The following DNAJC1 variants were observed in gnomAD, a reference collection of about 807,000 sequenced individuals.
The protein encoded by DNAJC1 is DnaJ heat shock protein family (Hsp40) member C1.
A neutral mutation model predicts 76.6 loss-of-function variants in DNAJC1; 58 were observed. The ratio of observed to expected loss-of-function variants is 0.76; its 90% CI spans 0.61 to 0.94. The LOEUF (loss-of-function observed/expected upper bound fraction) is 0.94. Among genes scored for constraint, DNAJC1 ranks in the 40% least tolerant of loss-of-function variants. DNAJC1 has a pLI of 0.00. For synonymous variants in DNAJC1, 258 were observed against 267.9 expected (o/e 0.96, Z 0.36); for missense variants, 689 against 677.3 (o/e 1.02, Z -0.19).
intron 8 of DNAJC1, among the ~76,000 whole-genome samples, chr10:21,863,205 C>T (rs1835945325): frequency 6.6e-6 from 1 of 151,660 alleles, no homozygotes; most frequent in Non-Finnish European, 1.5e-5. Flanking sequence ...AAATCAATGA[C>T]ACACAAAACT....
intron 8 of DNAJC1, among the ~76,000 whole-genome samples, chr10:21,851,817 G>A (rs1422031181): frequency 6.6e-6 from 1 of 152,056 alleles, no homozygotes; most frequent in Non-Finnish European, 1.5e-5. Context: ...CACTTTGGGA[G>A]GCCGAGACGG....
At chr10:21,885,218 T>G (rs1298721470) in intron 7 of DNAJC1, among the ~76,000 whole-genome samples, 1 of 151,674 alleles carries the variant, frequency 6.6e-6, no homozygotes, top group Non-Finnish European at 1.5e-5. Flanking sequence ...GTTGCAATCC[T>G]AATTTAAAGA....
chr10:21,974,733 T>C (rs994279255), intron 1 of DNAJC1, among the ~76,000 whole-genome samples: 11 of 152,158 alleles, frequency 7.2e-5, no homozygotes, highest in Admixed American at 2.0e-4. Flanking sequence ...ATTTATAAGG[T>C]TGTTCACTGT....
At chr10:21,795,261 A>G (rs1172579825) in intron 9 of DNAJC1, among the ~76,000 whole-genome samples, 2 of 152,224 alleles carry the variant, frequency 1.3e-5, no homozygotes, top group African/African-American at 4.8e-5. Flanking sequence ...ACCAATTAGT[A>G]TAGAATAAAT....
intron 8 of DNAJC1, among the ~76,000 whole-genome samples, chr10:21,846,510 G>A (rs1262634986): frequency 6.6e-6 from 1 of 152,134 alleles, no homozygotes; most frequent in Non-Finnish European, 1.5e-5. Context: ...CACATATGCA[G>A]AGGTATTAGA....
intron 8 of DNAJC1, among the ~76,000 whole-genome samples, chr10:21,879,101 T>G (rs1318598047): frequency 6.6e-6 from 1 of 152,178 alleles, no homozygotes; most frequent in African/African-American, 2.4e-5. Context: ...ATCATCTTTG[T>G]GGAAGAGAAG....
rs1564850859 is a variant in DNAJC1 at position 22,003,319 on chromosome 10, A to AGCAGCAGCAGCAGCAGCC, written c.98_115dup (p.Leu38_Leu39insArgLeuLeuLeuLeuLeu). On this transcript the variant is annotated inframe_insertion, in exon 1 of 12. Coordinates refer to ENST00000376980, the MANE Select transcript of DNAJC1 (RefSeq NM_022365.4). ...GCCGCGCGCCGGCGCCACGGCGGCC[A>AGCAGCAGCAGCAGCAGCC]GCAGCAGCAGCAGCAGCCACAGCAG... The AGCAGCAGCAGCAGCAGCC allele has an allele frequency of 2.8e-6, 4 of 1,440,860 alleles. No individual in the cohort carries two copies. The Admixed American group carries it at 7.1e-5, about 26-fold the overall frequency. 89.3% of individuals were successfully genotyped at this position (1,440,860 alleles called of 1,614,324 possible).
chr10:21,982,312 T>G (rs753920296), intron 1 of DNAJC1, among the ~76,000 whole-genome samples: 1 of 152,024 alleles, frequency 6.6e-6, no homozygotes, highest in African/African-American at 2.4e-5. Flanking sequence ...GAAGAAAATA[T>G]ATGGGAAAAA....
Position 21,920,851 on chromosome 10 carries a change from G to A in DNAJC1, c.484C>T (p.Leu162Phe). 1 of 1,613,014 alleles carries A rather than the reference G, an allele frequency of 6.2e-7. No individual in the cohort carries two copies. Residue 162 changes from leucine to phenylalanine, a missense_variant, in exon 4 of 12, where the codon CTC becomes TTC. Leu to Phe is a conservative substitution (Grantham distance 22, BLOSUM62 0). Transcript: ENST00000376980. ...ACCACAGCATAATGACCCACTGTGA[G>A]AATAATGAACAAGAGTAATGCCAGC... ...AELALLLFII[L>F]TVGHYAVVWS...
chr10:21,935,873 A>G (rs189180114), intron 1 of DNAJC1, among the ~76,000 whole-genome samples: 42 of 152,286 alleles, frequency 2.8e-4, no homozygotes, highest in Admixed American at 2.5e-3. Flanking sequence ...CTATCCCTCA[A>G]AAACAAAATA....
intron 8 of DNAJC1, among the ~76,000 whole-genome samples, chr10:21,863,441 A>G (rs1319096531): frequency 6.6e-6 from 1 of 152,132 alleles, no homozygotes; most frequent in South Asian, 2.1e-4. Context: ...CAAAACTCCC[A>G]TAAGAAGAAA....
intron 8 of DNAJC1, among the ~76,000 whole-genome samples, chr10:21,823,900 T>A (rs1835199540): frequency 6.6e-6 from 1 of 152,090 alleles, no homozygotes; most frequent in Non-Finnish European, 1.5e-5. Context: ...TTCTTTTAAT[T>A]TGAATAATAA....
chr10:21,908,008 T>C (rs1836775092), intron 6 of DNAJC1, among the ~76,000 whole-genome samples: 1 of 80,774 alleles, frequency 1.2e-5, no homozygotes, highest in Admixed American at 1.8e-4. Context: ...AAATATATTA[T>C]ATATAATAAT....
intron 7 of DNAJC1, among the ~76,000 whole-genome samples, chr10:21,887,358 C>T (rs115249501): frequency 0.017 from 2,653 of 152,016 alleles, 72 homozygotes; most frequent in African/African-American, 0.06. Flanking sequence ...AAATTAACAA[C>T]GACATTCTTC....
chr10:21,768,359 A>G (rs1435928940), intron 9 of DNAJC1, among the ~76,000 whole-genome samples: 3 of 152,220 alleles, frequency 2.0e-5, no homozygotes, highest in African/African-American at 7.2e-5. Flanking sequence ...ATGATCATTA[A>G]GAGCCGAGAG....
intron 7 of DNAJC1, among the ~76,000 whole-genome samples, chr10:21,891,476 C>CAAAAAAAAAAAA (rs369729722): frequency 1.1e-3 from 41 of 38,798 alleles, no homozygotes; most frequent in East Asian, 3.1e-3. Context: ...ACAAAGTAGA[C>CAAAAAAAAAAAA]AAAAAAAAAA....
chr10:21,908,426 A>C (rs1836794745), intron 6 of DNAJC1, among the ~76,000 whole-genome samples: 1 of 148,716 alleles, frequency 6.7e-6, no homozygotes, highest in Non-Finnish European at 1.5e-5. Flanking sequence ...TTTTGAATCC[A>C]AGCATTCAAA....
chr10:21,994,380 T>C (rs1042968995), intron 1 of DNAJC1, among the ~76,000 whole-genome samples: 1 of 152,214 alleles, frequency 6.6e-6, no homozygotes, highest in Admixed American at 6.5e-5. Context: ...AAATCTTATA[T>C]ACTTCCAAAC....
intron 6 of DNAJC1, among the ~76,000 whole-genome samples, chr10:21,906,684 A>G (rs1356758122): frequency 6.6e-6 from 1 of 152,206 alleles, no homozygotes. Flanking sequence ...TTAAGAACTC[A>G]GCTCTGCCAT....
Sources: gnomAD v4.1 joint callset for allele counts (sites outside exome capture counted in the v4.1 genomes callset) on GRCh38, gnomAD v4.1.1 for gene constraint, MANE v1.5 for transcripts, NCBI Gene and HGNC (gene_info 2026-07-23, HGNC 2026-07-21) for gene names.